GRIP2: variants seen among roughly 807,000 people sequenced by gnomAD.
GRIP2 encodes the protein glutamate receptor-interacting protein 2.
In GRIP2, 58 loss-of-function variants were observed where a neutral mutation model predicts 108.3. The ratio of observed to expected loss-of-function variants is 0.54; its 90% CI spans 0.43 to 0.67. GRIP2 has a LOEUF of 0.67. Ranked by LOEUF, GRIP2 falls within the 30% of genes least tolerant of loss-of-function variation. GRIP2 has a pLI of 0.00. For missense variants in GRIP2, 1,278 were observed against 1,430.6 expected (o/e 0.89, Z 1.72); for synonymous variants, 586 against 598.2 (o/e 0.98, Z 0.30).
chr3:14,592,479 C>T, the GRIP2 span, among the ~76,000 whole-genome samples: 7 of 152,170 alleles, frequency 4.6e-5, no homozygotes, highest in East Asian at 1.9e-4. Flanking sequence ...TTTAAACAGT[C>T]GACCCCACAC....
intron 11 of GRIP2, among the ~76,000 whole-genome samples, chr3:14,514,690 T>C (rs4684229): frequency 0.48 from 73,357 of 152,084 alleles, 18,075 homozygotes; most frequent in East Asian, 0.74. Context: ...TCGTGGGGTG[T>C]GGCAAGGACT....
intron 19 of GRIP2, among the ~76,000 whole-genome samples, chr3:14,506,568 G>C (rs1693933128): frequency 6.6e-6 from 1 of 152,226 alleles, no homozygotes; most frequent in Admixed American, 6.5e-5. Flanking sequence ...GCCAGCATGG[G>C]ACCCATGGTT....
chr3:14,524,611 TCCTC>T, intron 3 of GRIP2, 73 bp from the exon 4 acceptor site: 1 of 1,448,986 alleles, frequency 6.9e-7, no homozygotes. Flanking sequence ...ACACCCACCC[TCCTC>T]TGGAATCCCT....
chr3:14,513,740 C>T lies in GRIP2; in HGVS notation c.1564G>A (p.Glu522Lys). ...NGIATEDGTM[E>K]EANQLLRDAA... Reference sequence around the variant, plus strand: ...TCCCGCAGGAGCTGGTTGGCTTCCTCCATAGTCCCGTCCTCGGTGGCAATG... The same window carrying T: ...TCCCGCAGGAGCTGGTTGGCTTCCTTCATAGTCCCGTCCTCGGTGGCAATG... Residue 522 changes from glutamate to lysine, a missense_variant, in exon 13 of 24, where the codon GAG becomes AAG. Physicochemically the swap from Glu to Lys is moderately conservative, Grantham distance 56 (BLOSUM62 1). Transcript: ENST00000621039. 6.2e-7 allele frequency: 1 copy of T among 1,611,086 alleles called. No homozygotes were observed. The highest frequency in any genetic ancestry group is 8.5e-7 in the Non-Finnish European group (1 of 1,178,820).
chr3:14,530,434 C>T (rs1400886165), intron 1 of GRIP2, among the ~76,000 whole-genome samples: 1 of 152,150 alleles, frequency 6.6e-6, no homozygotes, highest in East Asian at 1.9e-4. Context: ...CATGTATAGG[C>T]CCATTTGTGG....
chr3:14,557,520 G>T (rs1695257340), upstream of GRIP2, among the ~76,000 whole-genome samples: 1 of 152,210 alleles, frequency 6.6e-6, no homozygotes, highest in South Asian at 2.1e-4. Context: ...GGAGGTTCTG[G>T]GCTCCTTTAC....
chr3:14,545,744 C>CTA (rs1695048249), upstream of GRIP2, among the ~76,000 whole-genome samples: 1 of 152,240 alleles, frequency 6.6e-6, no homozygotes, highest in African/African-American at 2.4e-5. Flanking sequence ...ACCTAAAAAA[C>CTA]TATAGCATGT....
At position 14,493,799 on chromosome 3, in the gene GRIP2, C is replaced by A; in HGVS notation, c.2998G>T (p.Asp1000Tyr). 5 of 1,613,458 alleles carry A rather than the reference C, an allele frequency of 3.1e-6. No individual in the cohort carries two copies. The highest frequency in any genetic ancestry group is 4.2e-6 in the Non-Finnish European group (5 of 1,179,632). ...AGGAGTGGCACCGCCAGGCAGCAGT[C>A]GAAGTCCCGTGTACGGACGTGGTTG... ...QVNHVRTRDFDCCLAVPLLAE... is the reference protein window; with the variant it reads ...QVNHVRTRDFYCCLAVPLLAE... The change falls in exon 24 of 24, where the codon GAC (aspartate) becomes TAC (tyrosine). Residue 1000 changes from aspartate (D) to tyrosine (Y), a missense_variant. Coordinates refer to ENST00000621039, the MANE Select transcript of GRIP2 (RefSeq NM_001080423.4).
At chr3:14,599,677 C>CTGTGTGTGTGTGTG in the GRIP2 span, among the ~76,000 whole-genome samples, 8 of 103,258 alleles carry the variant, frequency 7.7e-5, no homozygotes, top group African/African-American at 3.2e-4. Context: ...CTCTCTCTCT[C>CTGTGTGTGTGTGTG]TCTCTCTCTG....
At chr3:14,515,705 G>A (rs1384812885) in intron 11 of GRIP2, among the ~76,000 whole-genome samples, 2 of 151,254 alleles carry the variant, frequency 1.3e-5, no homozygotes, top group African/African-American at 2.4e-5. Flanking sequence ...GCGCCACCTC[G>A]GCTCACTGCA....
chr3:14,594,447 G>A, the GRIP2 span, among the ~76,000 whole-genome samples: 1 of 152,224 alleles, frequency 6.6e-6, no homozygotes, highest in Non-Finnish European at 1.5e-5. Flanking sequence ...ACTCCCAGTG[G>A]CAGCCTTCCT....
the GRIP2 span, chr3:14,573,337 T>C: frequency 3.6e-6 from 5 of 1,392,348 alleles, no homozygotes; most frequent in Non-Finnish European, 5.1e-6. Flanking sequence ...AGGTAGATGA[T>C]GGCTATGTGG....
Position 14,493,708 on chromosome 3 carries a change from C to A in GRIP2, c.3089G>T (p.Arg1030Leu). 1.2e-6 allele frequency: 2 copies of A among 1,609,226 alleles called. No individual in the cohort carries two copies. Among genetic ancestry groups the A allele is most frequent in the Middle Eastern group, 1.7e-4 (1 of 5,846 alleles). ...GCTGGGGCCTGGCGATCGGGGGGCC[C>A]GGCTGCTGTGTGCCGTGTGCGGCTT... ...SRKPHTAHSS[R>L]APRSPGPSSP... Residue 1030 changes from arginine (R) to leucine (L), a missense_variant, in exon 24 of 24, where the codon CGG (arginine) becomes CTG (leucine). Arg to Leu is a moderately radical substitution (Grantham distance 102). Transcript: ENST00000621039.
chr3:14,511,138 G>A lies in GRIP2; in HGVS notation c.1933+27C>T, dbSNP rs780649142. 4.3e-6 allele frequency: 7 copies of A among 1,611,950 alleles called. No individual in the cohort carries two copies. The highest frequency in any genetic ancestry group is 2.2e-5 in the East Asian group (1 of 44,870). On this transcript the variant is annotated intron_variant, in intron 16 of 23. Transcript: ENST00000621039. This position sits in a 1 kb window ranked among gnomAD's most constrained non-coding sequence, Gnocchi z 4.1. ...GCTAGTCAAAGGGTGGGCCTCTGGA[G>A]GTAGGAGGCCAGCATGAGGGCCATA...
chr3:14,512,998 AGAG>A lies in GRIP2; in HGVS notation c.1640-144_1640-142del. ...TCTCATCCCCCTGCTTCCTCTCAACAGAGGAGGAAACTGAGGCAGAGTGAGCTG... is the reference window on the plus strand; with the variant it reads ...TCTCATCCCCCTGCTTCCTCTCAACAGAGGAAACTGAGGCAGAGTGAGCTG... On this transcript the variant is annotated intron_variant, in intron 13 of 23. Coordinates refer to ENST00000621039, the MANE Select transcript of GRIP2 (RefSeq NM_001080423.4). The surrounding 1 kb of genome is among the most constrained non-coding windows in gnomAD (Gnocchi z 5.1). 1 of 725,658 alleles carries A rather than the reference AGAG, an allele frequency of 1.4e-6. No individual in the cohort carries two copies. The highest frequency in any genetic ancestry group is 2.4e-6 in the Non-Finnish European group (1 of 416,408). 45.0% of individuals were successfully genotyped at this position (725,658 alleles called of 1,614,324 possible). A position where few individuals can be genotyped will look rare whatever the true frequency, so the allele number is the denominator to read the frequency against.
At chr3:14,573,053 G>T in the GRIP2 span, 1 of 1,378,868 alleles carries the variant, frequency 7.3e-7, no homozygotes, top group Non-Finnish European at 1.0e-6. Context: ...AGCTGATGTA[G>T]CGCTAGAAGG....
chr3:14,500,342 T>C (rs538445410), intron 21 of GRIP2, among the ~76,000 whole-genome samples: 13 of 152,236 alleles, frequency 8.5e-5, no homozygotes, highest in African/African-American at 3.1e-4. Flanking sequence ...ACACCATGAC[T>C]AGGAATTTTC....
At chr3:14,517,712 C>T (rs1443700483) in intron 10 of GRIP2, 60 bp downstream of exon 10, 9 of 1,586,890 alleles carry the variant, frequency 5.7e-6, no homozygotes, top group Middle Eastern at 2.2e-4. Flanking sequence ...CAACAGGCAT[C>T]GCCCCCTCCC....
chr3:14,555,187 G>A (rs973615303), intron 1 of GRIP2, among the ~76,000 whole-genome samples: 2 of 152,024 alleles, frequency 1.3e-5, no homozygotes, highest in East Asian at 3.9e-4. Context: ...GCTCAGCACA[G>A]AGAGTCTTGC....
Sources: allele counts gnomAD v4.1 joint callset (sites outside exome capture counted in the v4.1 genomes callset), GRCh38; gene constraint gnomAD v4.1.1; non-coding constraint Gnocchi (gnomAD v3.1); transcripts MANE v1.5; gene names NCBI Gene and HGNC (gene_info 2026-07-23, HGNC 2026-07-21).